CACNA1I: variants seen among roughly 807,000 people sequenced by gnomAD.
CACNA1I encodes calcium voltage-gated channel subunit alpha1 I, also known as voltage-dependent T-type calcium channel subunit alpha-1I.
A neutral mutation model predicts 201.6 loss-of-function variants in CACNA1I; 74 were observed. The observed-to-expected ratio is 0.37, with a 90% CI of 0.30 to 0.45. CACNA1I has a LOEUF of 0.45. Ranked by LOEUF, CACNA1I falls within the 20% of genes least tolerant of loss-of-function variation. The pLI, the probability that CACNA1I is intolerant of heterozygous loss-of-function variation, is 1.00. For missense variants in CACNA1I, 2,346 were observed against 3,138.1 expected, an observed-to-expected ratio of 0.75 and a Z score of 6.03; for synonymous variants, 1,431 against 1,345.2, an observed-to-expected ratio of 1.06 and a Z score of -1.40.
rs887884733 is a variant in CACNA1I at position 39,659,111 on chromosome 22, C to T, written c.2325C>T (p.Ile775=). The T allele has an allele frequency of 6.2e-6, 10 of 1,612,468 alleles. No individual in the cohort carries two copies. Among genetic ancestry groups the T allele is most frequent in the African/African-American group, 5.3e-5 (4 of 74,860 alleles). Reference sequence around the variant, plus strand: ...TGCTGCTCATGCTCTTCATCTTCATCTTCAGGTGAGCCTGCCCTGCTGGGG... The same window carrying T: ...TGCTGCTCATGCTCTTCATCTTCATTTTCAGGTGAGCCTGCCCTGCTGGGG... ...FCMLLMLFIF[I]FSILGMHIFG... is the part of the protein sequence containing the mutation. The change falls in exon 12 of 37, where the codon ATC becomes ATT. Residue 775 remains isoleucine, a synonymous_variant. Transcript: ENST00000402142. This position sits in a 1 kb window ranked among gnomAD's most constrained non-coding sequence, Gnocchi z 4.3.
chr22:39,681,012 A>G lies in CACNA1I; in HGVS notation c.5624A>G (p.Glu1875Gly). 1.9e-6 allele frequency: 3 copies of G among 1,611,308 alleles called. No individual in the cohort carries two copies. The highest frequency in any genetic ancestry group is 2.5e-6 in the Non-Finnish European group (3 of 1,179,400). Residue 1875 changes from glutamate (E) to glycine (G), a missense_variant, in exon 34 of 37, where the codon GAG (glutamate) becomes GGG (glycine). By Grantham distance (98) the Glu-to-Gly change is moderately conservative. This residue lies in a region of CACNA1I where 441 missense variants were observed against 555.6 expected (regional missense o/e 0.79). Coordinates refer to ENST00000402142, the MANE Select transcript of CACNA1I (RefSeq NM_021096.4). Reference sequence around the variant, plus strand: ...CTGCTGGGTGACGACCTGAGTCTCGAGGACCCCACAGCCTGCCCACCTGGC... The same window carrying G: ...CTGCTGGGTGACGACCTGAGTCTCGGGGACCCCACAGCCTGCCCACCTGGC... ...SILLGDDLSL[E>G]DPTACPPGRK...
intron 7 of CACNA1I, among the ~76,000 whole-genome samples, chr22:39,644,724 G>GT (rs928209594): frequency 2.0e-5 from 3 of 150,132 alleles, no homozygotes; most frequent in African/African-American, 7.4e-5. Context: ...GTCTGGCTCT[G>GT]TTGCCCAGGC....
rs767938540 is a variant in CACNA1I at position 39,664,748 on chromosome 22, C to T, written c.3676C>T (p.Leu1226=). The part of the protein sequence containing the change: ...VGEMTLKVVS[L]GLYFGEQAYL... ...CCCACCCCCGCCCCAGGTAGTCTCG[C>T]TGGGCCTGTACTTCGGCGAGCAGGC... Residue 1226 remains leucine, a synonymous_variant, in exon 21 of 37, where the codon CTG becomes TTG. Transcript: ENST00000402142. 7 of 1,596,876 alleles carry T rather than the reference C, an allele frequency of 4.4e-6. No homozygotes were observed. The South Asian group carries it at 5.6e-5, about 13-fold the overall frequency.
In CACNA1I at chr22:39,658,197, A is replaced by G. The variant is rs1312430583; in HGVS notation, c.2038A>G (p.Thr680Ala). 1.2e-6 allele frequency: 2 copies of G among 1,613,962 alleles called. No homozygotes were observed. The highest frequency in any genetic ancestry group is 3.3e-5 in the Admixed American group (2 of 60,024). Residue 680 changes from threonine (T) to alanine (A), a missense_variant, in exon 11 of 37, where the codon ACC becomes GCC. Physicochemically the swap from Thr to Ala is moderately conservative, Grantham distance 58. Coordinates refer to ENST00000402142, the MANE Select transcript of CACNA1I (RefSeq NM_021096.4). ...NILEICNVVF[T>A]SMFALEMILK... The stretch of plus-strand genomic sequence containing the variant: ...CCTGGAGATCTGCAATGTGGTCTTC[A>G]CCAGCATGTTTGCCCTGGAGATGAT...
In CACNA1I at chr22:39,577,823, G is replaced by C. The variant is rs895374726; in HGVS notation, c.236+6835G>C. Among the ~76,000 whole-genome samples the C allele has an allele frequency of 1.4e-4, 21 of 152,370 alleles. No homozygotes were observed. In the South Asian group the frequency reaches 4.3e-3, roughly 32 times the overall value. On this transcript the variant is annotated intron_variant, in intron 1 of 36. Transcript: ENST00000402142. ...GAGGTGACCCCAGGGTCGGTGGCTT[G>C]GTTGCCAGGTGAAGGAAGATCTGCT... is the stretch of plus-strand genomic sequence containing the variant.
At chr22:39,582,292 A>G (rs1046330811) in intron 1 of CACNA1I, among the ~76,000 whole-genome samples, 1 of 152,064 alleles carries the variant, frequency 6.6e-6, no homozygotes, top group African/African-American at 2.4e-5. Context: ...GGGGTGGGCT[A>G]TATCAGTGGT....
intron 1 of CACNA1I, among the ~76,000 whole-genome samples, chr22:39,585,726 A>ATTTT (rs1439172512): frequency 2.9e-5 from 2 of 68,368 alleles, no homozygotes; most frequent in Admixed American, 1.6e-4. Context: ...AAACTTTTAA[A>ATTTT]GTTTTTTTTT....
intron 4 of CACNA1I, among the ~76,000 whole-genome samples, chr22:39,621,650 G>A (rs770524109): frequency 1.3e-5 from 2 of 152,220 alleles, no homozygotes; most frequent in Non-Finnish European, 2.9e-5. Flanking sequence ...CTGGGGGCTG[G>A]GGTCTCAAGG....
chr22:39,668,463 C>A, intron 24 of CACNA1I, 82 bp downstream of exon 24: 2 of 883,328 alleles, frequency 2.3e-6, no homozygotes, highest in South Asian at 2.8e-5. Flanking sequence ...GAATTTGAAA[C>A]TGGTGCCAAT....
At chr22:39,623,056 G>C (rs1156366703) in intron 4 of CACNA1I, among the ~76,000 whole-genome samples, 1 of 152,226 alleles carries the variant, frequency 6.6e-6, no homozygotes, top group Non-Finnish European at 1.5e-5. Context: ...TGCCCAGCAG[G>C]GGGCAGCACT....
chr22:39,674,097 A>G (rs1251330877), intron 29 of CACNA1I, 64 bp downstream of exon 29: 5 of 1,472,128 alleles, frequency 3.4e-6, no homozygotes, highest in Admixed American at 1.7e-5. Flanking sequence ...GCCCTGGGGC[A>G]TGAAGGCCCT....
At position 39,665,774 on chromosome 22, in the gene CACNA1I, A is replaced by G. The variant is rs989875507; in HGVS notation, c.3979-107A>G. The stretch of plus-strand genomic sequence containing the variant: ...CAGGGAGGGAGACAGACATGGGCCC[A>G]GATGACTGAGCACAAGACAGTCTGA... On this transcript the variant is annotated intron_variant, in intron 22 of 36. Transcript: ENST00000402142. This position sits in a 1 kb window ranked among gnomAD's most constrained non-coding sequence, Gnocchi z 5.5. 6.4e-7 allele frequency: 1 copy of G among 1,555,172 alleles called. No individual in the cohort carries two copies. Among genetic ancestry groups the G allele is most frequent in the Non-Finnish European group, 8.8e-7 (1 of 1,135,514 alleles).
At chr22:39,597,591 T>TGGTGC (rs1932920269) in intron 1 of CACNA1I, among the ~76,000 whole-genome samples, 1 of 152,206 alleles carries the variant, frequency 6.6e-6, no homozygotes, top group Non-Finnish European at 1.5e-5. Flanking sequence ...GGGCTGGGCT[T>TGGTGC]GGTGCGGGTG....
rs1334828276 is a variant in CACNA1I at position 39,658,956 on chromosome 22, G to A, written c.2170G>A (p.Asp724Asn). Residue 724 changes from aspartate (D) to asparagine (N), a missense_variant, in exon 12 of 37, where the codon GAC becomes AAC. Around this residue, in one of 13 missense-constraint regions of CACNA1I, gnomAD observed 155 missense variants for 300.8 expected, o/e 0.52. Coordinates refer to ENST00000402142, the MANE Select transcript of CACNA1I (RefSeq NM_021096.4). The stretch of plus-strand genomic sequence containing the variant: ...CATCTGGGAGATTGTGGGGCAGGCG[G>A]ACGGTGGGCTGTCGGTGCTGCGGAC... ...ISIWEIVGQA[D>N]GGLSVLRTFR... The A allele has an allele frequency of 6.2e-7, 1 of 1,602,748 alleles. No homozygotes were observed. Among genetic ancestry groups the A allele is most frequent in the Non-Finnish European group, 8.5e-7 (1 of 1,176,490 alleles).
intron 3 of CACNA1I, among the ~76,000 whole-genome samples, chr22:39,609,080 T>C (rs1417055256): frequency 4.3e-5 from 1 of 23,272 alleles, no homozygotes; most frequent in Non-Finnish European, 9.9e-5. Flanking sequence ...TTTAATTCTC[T>C]GATGCCTCCA....
At chr22:39,663,679 G>T (rs781173451) in intron 18 of CACNA1I, 39 bp from the exon 19 acceptor site, 1 of 1,610,604 alleles carries the variant, frequency 6.2e-7, no homozygotes, top group Non-Finnish European at 8.5e-7. Context: ...AGGGTGGGAG[G>T]CAGCTGACGC....
At chr22:39,616,480 G>T (rs1157201142) in intron 3 of CACNA1I, among the ~76,000 whole-genome samples, 1 of 152,086 alleles carries the variant, frequency 6.6e-6, no homozygotes, top group Non-Finnish European at 1.5e-5. Context: ...AACACTCTTT[G>T]TCGGCTGGGC....
intron 6 of CACNA1I, 101 bp downstream of exon 6, chr22:39,641,283 G>A (rs918077620): frequency 2.1e-6 from 2 of 958,996 alleles, no homozygotes; most frequent in Non-Finnish European, 3.2e-6. Flanking sequence ...TCATCTCACT[G>A]AAACCTGCCC....
At chr22:39,599,822 C>T (rs1027946774) in intron 2 of CACNA1I, among the ~76,000 whole-genome samples, 3 of 152,162 alleles carry the variant, frequency 2.0e-5, no homozygotes, top group African/African-American at 7.2e-5. Flanking sequence ...CCCTGGCACA[C>T]AGTAGGTATG....
Sources: allele counts gnomAD v4.1 joint callset (sites outside exome capture counted in the v4.1 genomes callset), GRCh38; gene constraint gnomAD v4.1.1; regional missense constraint gnomAD v4.1.1; non-coding constraint Gnocchi (gnomAD v3.1); transcripts MANE v1.5; gene names NCBI Gene and HGNC (gene_info 2026-07-23, HGNC 2026-07-21).